The following GRM8 variants were observed in gnomAD, a reference collection of about 807,000 sequenced individuals.
The protein encoded by GRM8 is metabotropic glutamate receptor 8.
GRM8 carries 47 observed loss-of-function variants against 87.2 expected under a neutral mutation model. That is an observed-to-expected ratio of 0.54 (90% CI 0.43 to 0.69). The LOEUF is 0.69. Ranked by LOEUF, GRM8 falls within the 30% of genes least tolerant of loss-of-function variation. The pLI is 0.00. For missense variants in GRM8, 1,019 were observed against 1,139.2 expected (o/e 0.89, Z 1.52); for synonymous variants, 396 against 404.5 (o/e 0.98, Z 0.25).
chr7:126,717,534 G>C (rs1472641230), intron 7 of GRM8, among the ~76,000 whole-genome samples: 1 of 152,066 alleles, frequency 6.6e-6, no homozygotes, highest in Non-Finnish European at 1.5e-5. Context: ...CCCAAAAAGA[G>C]ACAATTAGGA....
chr7:127,103,455 C>A (rs754848881), intron 3 of GRM8, among the ~76,000 whole-genome samples: 1 of 152,130 alleles, frequency 6.6e-6, no homozygotes, highest in Admixed American at 6.5e-5. Flanking sequence ...TGATTGTAGG[C>A]CTCCTGAGGC....
chr7:127,077,610 C>T (rs543423150), intron 3 of GRM8, among the ~76,000 whole-genome samples: 3 of 152,154 alleles, frequency 2.0e-5, no homozygotes, highest in African/African-American at 7.2e-5. Flanking sequence ...ACTGTGAATA[C>T]GAGAGTATGA....
At chr7:126,825,868 A>T (rs1247055301) in intron 6 of GRM8, among the ~76,000 whole-genome samples, 1 of 53,874 alleles carries the variant, frequency 1.9e-5, no homozygotes, top group Admixed American at 1.8e-4. Context: ...TATCCCTCCC[A>T]CCTCCCCCCA....
At chr7:126,987,434 T>C (rs1586680674) in intron 3 of GRM8, among the ~76,000 whole-genome samples, 1 of 147,776 alleles carries the variant, frequency 6.8e-6, no homozygotes, top group Admixed American at 6.8e-5. Flanking sequence ...AAGAAGCATA[T>C]CTTGTTCACA....
intron 6 of GRM8, among the ~76,000 whole-genome samples, chr7:126,846,357 C>T (rs184497740): frequency 2.0e-5 from 3 of 152,296 alleles, no homozygotes; most frequent in Admixed American, 1.3e-4. Flanking sequence ...AAATTCCTAC[C>T]TGAGGTGACA....
At chr7:126,574,934 G>T (rs1182007636) in intron 8 of GRM8, among the ~76,000 whole-genome samples, 1 of 152,130 alleles carries the variant, frequency 6.6e-6, no homozygotes, top group African/African-American at 2.4e-5. Context: ...AGTATAACAT[G>T]ACTCACAGTC....
intron 2 of GRM8, among the ~76,000 whole-genome samples, chr7:127,193,602 A>G (rs1795131483): frequency 6.6e-6 from 1 of 152,242 alleles, no homozygotes; most frequent in African/African-American, 2.4e-5. Flanking sequence ...TCTGAGGCTT[A>G]AAGAGTGAGG....
At chr7:126,767,555 G>A (rs575514497) in intron 7 of GRM8, among the ~76,000 whole-genome samples, 19 of 152,042 alleles carry the variant, frequency 1.2e-4, no homozygotes, top group African/African-American at 3.6e-4. Context: ...TTTATGCTTT[G>A]ACTGCTTAAG....
chr7:126,760,055 C>A (rs545447873), intron 7 of GRM8, among the ~76,000 whole-genome samples: 79 of 152,112 alleles, frequency 5.2e-4, no homozygotes, highest in Non-Finnish European at 6.6e-4. Context: ...CACCTCAAAT[C>A]TTCTCTGTTC....
chr7:126,816,735 TGTG>T (rs1404884571), intron 6 of GRM8, among the ~76,000 whole-genome samples: 17 of 17,982 alleles, frequency 9.5e-4, no homozygotes, highest in Non-Finnish European at 1.7e-3. Context: ...TATGATTTTG[TGTG>T]TGTGTGTGTG....
chr7:127,220,112 T>C (rs1332840276), intron 2 of GRM8, among the ~76,000 whole-genome samples: 1 of 152,190 alleles, frequency 6.6e-6, no homozygotes, highest in Non-Finnish European at 1.5e-5. Context: ...TCAGAAACCC[T>C]ATCCTAGAGA....
rs552848964 is a variant in GRM8, at chr7:126,702,140, A to G, written c.1357+67725T>C. ...AGCATTCGCACATGCCAAGTCCTGC[A>G]TAAGTGAGGAAAGCCCCTTGCCTTG... is the stretch of plus-strand genomic sequence containing the variant. On this transcript the variant is annotated intron_variant, in intron 7 of 10. Transcript: ENST00000339582. 3.7e-4 allele frequency among the ~76,000 whole-genome samples: 57 copies of G among 152,370 alleles called. 1 individual carries two copies. The East Asian group carries it at 9.3e-3, about 25-fold the overall frequency.
intron 8 of GRM8, among the ~76,000 whole-genome samples, chr7:126,582,449 G>A (rs530708923): frequency 1.3e-5 from 2 of 152,278 alleles, no homozygotes; most frequent in African/African-American, 2.4e-5. Flanking sequence ...AAAGGGCAAG[G>A]TGATGTAGCA....
At chr7:127,193,177 G>A (rs1795109038) in intron 2 of GRM8, among the ~76,000 whole-genome samples, 1 of 152,178 alleles carries the variant, frequency 6.6e-6, no homozygotes, top group South Asian at 2.1e-4. Flanking sequence ...CAAAGTAAAT[G>A]CATAACACAA....
intron 3 of GRM8, among the ~76,000 whole-genome samples, chr7:126,943,497 A>C (rs1807196623): frequency 6.6e-6 from 1 of 152,210 alleles, no homozygotes; most frequent in Non-Finnish European, 1.5e-5. Context: ...GGTAAGATCA[A>C]AGGCTGGCAC....
chr7:126,788,988 T>C (rs920565679), intron 6 of GRM8, among the ~76,000 whole-genome samples: 1 of 152,062 alleles, frequency 6.6e-6, no homozygotes, highest in Admixed American at 6.6e-5. Context: ...CTCTATATTA[T>C]CAAGGAAGAG....
intron 3 of GRM8, 103 bp downstream of exon 3, chr7:127,106,393 A>T: frequency 1.2e-6 from 1 of 857,966 alleles, no homozygotes; most frequent in Non-Finnish European, 1.9e-6. Context: ...ATGCATCTGT[A>T]GGAGTTCCAA....
intron 2 of GRM8, among the ~76,000 whole-genome samples, chr7:127,185,255 A>G (rs1464519951): frequency 6.6e-6 from 1 of 152,146 alleles, no homozygotes; most frequent in South Asian, 2.1e-4. Context: ...GCAAAAGAAT[A>G]GACATATATT....
intron 9 of GRM8, among the ~76,000 whole-genome samples, chr7:126,482,453 T>C (rs112714307): frequency 0.018 from 2,734 of 152,086 alleles, 61 homozygotes; most frequent in African/African-American, 0.061. Flanking sequence ...AAACATACTA[T>C]GGAATATTAT....
Sources: allele counts gnomAD v4.1 joint callset (sites outside exome capture counted in the v4.1 genomes callset), GRCh38; gene constraint gnomAD v4.1.1; transcripts MANE v1.5; gene names NCBI Gene and HGNC (gene_info 2026-07-23, HGNC 2026-07-21).